The following SDK1 variants were observed in gnomAD, a reference collection of about 807,000 sequenced individuals.
The protein encoded by SDK1 is sidekick cell adhesion molecule 1, also known as protein sidekick-1.
In SDK1, 157 loss-of-function variants were observed where a neutral mutation model predicts 245.5. That is an observed-to-expected ratio of 0.64 (90% CI 0.56 to 0.73). The LOEUF (loss-of-function observed/expected upper bound fraction) is 0.73. Among genes scored for constraint, SDK1 ranks in the 30% least tolerant of loss-of-function variants. The pLI is 0.00. For synonymous variants in SDK1, 1,647 were observed against 1,278.5 expected, an observed-to-expected ratio of 1.29 and a Z score of -6.15; for missense variants, 3,583 against 3,002.3, an observed-to-expected ratio of 1.19 and a Z score of -4.52.
intron 4 of SDK1, among the ~76,000 whole-genome samples, chr7:3,690,571 G>T (rs1359264384): frequency 6.6e-6 from 1 of 152,068 alleles, no homozygotes; most frequent in African/African-American, 2.4e-5. Context: ...GCGTCGAGTG[G>T]CCTCACTGAT....
At position 4,157,355 on chromosome 7, in the gene SDK1, AAGT is replaced by A. The variant is rs1174599753; in HGVS notation, c.4626-1092_4626-1090del. On this transcript the variant is annotated intron_variant, in intron 30 of 44. Coordinates refer to ENST00000404826, the MANE Select transcript of SDK1 (RefSeq NM_152744.4). ...AGGGAGAGAAGGGAAGAAGGAAGGA[AAGT>A]GGGAAGGGAGGAAGAAGGGAGAGAA... Among the ~76,000 whole-genome samples, 276 of 116,336 alleles carry A rather than the reference AAGT, an allele frequency of 2.4e-3. 1 individual carries two copies. The highest frequency in any genetic ancestry group is 9.9e-3 in the African/African-American group (266 of 26,968). 76.3% of individuals were successfully genotyped at this position (116,336 alleles called of 152,430 possible). A position where few individuals can be genotyped will look rare whatever the true frequency, so the allele number is the denominator to read the frequency against.
At chr7:4,038,835 A>T (rs1189702683) in intron 17 of SDK1, among the ~76,000 whole-genome samples, 1 of 152,230 alleles carries the variant, frequency 6.6e-6, no homozygotes, top group Non-Finnish European at 1.5e-5. Context: ...TATGAGATCA[A>T]TGCTTTAGGG....
intron 35 of SDK1, among the ~76,000 whole-genome samples, chr7:4,191,036 T>A (rs980602922): frequency 6.6e-6 from 1 of 152,180 alleles, no homozygotes; most frequent in Non-Finnish European, 1.5e-5. Flanking sequence ...CCTTGTGAAA[T>A]GCAAATCCCA....
At chr7:3,364,570 CTCAA>C (rs1781039512) in intron 1 of SDK1, among the ~76,000 whole-genome samples, 1 of 152,066 alleles carries the variant, frequency 6.6e-6, no homozygotes, top group South Asian at 2.1e-4. Context: ...TTGCACCTCT[CTCAA>C]AAATCACTTG....
At chr7:3,594,127 C>T (rs1013637866) in intron 1 of SDK1, among the ~76,000 whole-genome samples, 3 of 152,152 alleles carry the variant, frequency 2.0e-5, no homozygotes, top group Non-Finnish European at 2.9e-5. Context: ...TGCCCTGCTT[C>T]CCTATTTCCC....
At chr7:4,204,998 G>A (rs57279059) in intron 35 of SDK1, among the ~76,000 whole-genome samples, 8,928 of 106,188 alleles carry the variant, frequency 0.084, 51 homozygotes, top group African/African-American at 0.14. Flanking sequence ...CCTAATGGCG[G>A]TGTGGTAAGG....
intron 1 of SDK1, among the ~76,000 whole-genome samples, chr7:3,472,305 C>A (rs1233626285): frequency 6.6e-6 from 1 of 152,094 alleles, no homozygotes; most frequent in East Asian, 1.9e-4. Context: ...AGTTTAGTTT[C>A]CACATATTAC....
chr7:3,405,748 G>A (rs536993202), intron 1 of SDK1, among the ~76,000 whole-genome samples: 1 of 151,084 alleles, frequency 6.6e-6, no homozygotes, highest in Non-Finnish European at 1.5e-5. Flanking sequence ...CATCTTGATT[G>A]TACTTAGTTA....
chr7:3,311,395 G>A (rs1258442874), intron 1 of SDK1, among the ~76,000 whole-genome samples: 1 of 152,114 alleles, frequency 6.6e-6, no homozygotes, highest in East Asian at 1.9e-4. Flanking sequence ...GGAGTTCTAG[G>A]AGTATAAAGT....
chr7:4,094,549 G>A (rs886900069), intron 22 of SDK1, among the ~76,000 whole-genome samples: 2 of 152,226 alleles, frequency 1.3e-5, no homozygotes, highest in East Asian at 1.9e-4. Context: ...TCAGTGAGTA[G>A]GAAAGAGAGA....
chr7:3,606,032 C>A (rs1440720897), intron 1 of SDK1, among the ~76,000 whole-genome samples: 1 of 152,140 alleles, frequency 6.6e-6, no homozygotes, highest in African/African-American at 2.4e-5. Context: ...ACATACACTT[C>A]ATGAATCTAA....
chr7:4,027,765 G>T (rs1446780864), intron 17 of SDK1, among the ~76,000 whole-genome samples: 1 of 152,114 alleles, frequency 6.6e-6, no homozygotes, highest in East Asian at 1.9e-4. Flanking sequence ...ATAAAAATGT[G>T]TGTCTCTCTC....
chr7:3,747,162 T>C (rs1779649110), intron 4 of SDK1, among the ~76,000 whole-genome samples: 1 of 152,160 alleles, frequency 6.6e-6, no homozygotes, highest in African/African-American at 2.4e-5. Context: ...AATCCAGGCA[T>C]GATAATAGAA....
intron 4 of SDK1, among the ~76,000 whole-genome samples, chr7:3,708,764 A>T (rs944351567): frequency 3.9e-5 from 6 of 152,284 alleles, no homozygotes; most frequent in Non-Finnish European, 8.8e-5. Context: ...AGATTTGGGC[A>T]GGGGCACATA....
chr7:3,667,098 A>G (rs1410746463), intron 4 of SDK1, among the ~76,000 whole-genome samples: 1 of 152,218 alleles, frequency 6.6e-6, no homozygotes, highest in Non-Finnish European at 1.5e-5. Context: ...AAAAATCCCA[A>G]TGAATTGTGA....
At chr7:3,947,366 A>G (rs1222849916) in intron 5 of SDK1, among the ~76,000 whole-genome samples, 4 of 152,324 alleles carry the variant, frequency 2.6e-5, no homozygotes, top group East Asian at 3.8e-4. Context: ...ATTTTAGACT[A>G]TGGATTAATT....
intron 1 of SDK1, among the ~76,000 whole-genome samples, chr7:3,551,193 G>A (rs1466272520): frequency 6.6e-6 from 1 of 152,080 alleles, no homozygotes; most frequent in East Asian, 1.9e-4. Context: ...GGGGTGGGGG[G>A]CCCAACATCA....
In SDK1 at chr7:3,467,220, G is replaced by A. The variant is rs77146647; in HGVS notation, c.299-151860G>A. 5.8e-3 allele frequency among the ~76,000 whole-genome samples: 882 copies of A among 151,926 alleles called. 13 individuals carry two copies. Among genetic ancestry groups the A allele is most frequent in the Admixed American group, 0.037 (569 of 15,258 alleles). On this transcript the variant is annotated intron_variant, in intron 1 of 44. Coordinates refer to ENST00000404826, the MANE Select transcript of SDK1 (RefSeq NM_152744.4). ...GTATGTACTACTTTACAATATTAAAGCACTTTCACATTTTTCCAAAAATTA... is the reference window on the plus strand; with the variant it reads ...GTATGTACTACTTTACAATATTAAAACACTTTCACATTTTTCCAAAAATTA...
At chr7:3,813,615 G>C (rs1391558855) in intron 4 of SDK1, among the ~76,000 whole-genome samples, 2 of 149,046 alleles carry the variant, frequency 1.3e-5, no homozygotes, top group African/African-American at 2.5e-5. Flanking sequence ...ATAGTCATTT[G>C]GGTATATACC....
Sources: allele counts gnomAD v4.1 joint callset (sites outside exome capture counted in the v4.1 genomes callset), GRCh38; gene constraint gnomAD v4.1.1; transcripts MANE v1.5; gene names NCBI Gene and HGNC (gene_info 2026-07-23, HGNC 2026-07-21).